The following PTPRS variants were observed in gnomAD, a reference collection of about 807,000 sequenced individuals.
The protein encoded by PTPRS is receptor-type tyrosine-protein phosphatase S.
In PTPRS, 63 loss-of-function variants were observed where a neutral mutation model predicts 215.3. The observed-to-expected ratio is 0.29, with a 90% CI of 0.24 to 0.36. The LOEUF is 0.36. Ranked by LOEUF, PTPRS falls within the 10% of genes least tolerant of loss-of-function variation. PTPRS has a pLI of 1.00. For synonymous variants in PTPRS, 1,404 were observed against 1,191.4 expected (o/e 1.18, Z -3.68); for missense variants, 2,258 against 2,825.8 (o/e 0.80, Z 4.56).
chr19:5,219,806 A>T, intron 22 of PTPRS, 133 bp downstream of exon 22: 1 of 1,072,062 alleles, frequency 9.3e-7, no homozygotes, highest in East Asian at 2.4e-5. Flanking sequence ...TCCGCTCCCA[A>T]GTCTTCCCCT....
intron 1 of PTPRS, among the ~76,000 whole-genome samples, chr19:5,319,992 C>T (rs2049981665): frequency 6.6e-6 from 1 of 152,178 alleles, no homozygotes; most frequent in African/African-American, 2.4e-5. Context: ...CCCTTTATTG[C>T]TTCAGGGTCC....
At position 5,225,721 on chromosome 19, in the gene PTPRS, G is replaced by C. The variant is rs1208396886; in HGVS notation, c.2494+6C>G. ...TTGGTGGGTGGGAGGAGGGCGGGTT[G>C]CATACCTGCTCCCTTGGTCACAACC... On this transcript the variant is annotated splice_donor_region_variant and intron_variant, in intron 17 of 37. Coordinates refer to ENST00000262963, the MANE Select transcript of PTPRS (RefSeq NM_002850.4). 6.2e-7 allele frequency: 1 copy of C among 1,611,982 alleles called. No homozygotes were observed. Among genetic ancestry groups the C allele is most frequent in the East Asian group, 2.2e-5 (1 of 44,862 alleles).
Position 5,237,016 on chromosome 19 carries a change from C to A in PTPRS, c.1849+1903G>T, listed in dbSNP as rs989301030. ...AGAAAGAAAGACTCCTTCCAGAAAA[C>A]GCCCAGTCTGGTTACCTACCTTCCA... On this transcript the variant is annotated intron_variant, in intron 13 of 37. Transcript: ENST00000262963. This position sits in a 1 kb window ranked among gnomAD's most constrained non-coding sequence, Gnocchi z 4.2. Among the ~76,000 whole-genome samples the A allele has an allele frequency of 3.9e-5, 6 of 152,168 alleles. No homozygotes were observed. Among genetic ancestry groups the A allele is most frequent in the African/African-American group, 1.4e-4 (6 of 41,432 alleles).
At chr19:5,240,803 C>T (rs1029564796) in intron 11 of PTPRS, among the ~76,000 whole-genome samples, 1 of 150,672 alleles carries the variant, frequency 6.6e-6, no homozygotes, top group Admixed American at 6.6e-5. Context: ...CGCGCCACTG[C>T]ACTCCAGCCT....
chr19:5,268,406 TTGCTTAC>T (rs1042959121), intron 4 of PTPRS, among the ~76,000 whole-genome samples: 2 of 152,002 alleles, frequency 1.3e-5, no homozygotes, highest in Non-Finnish European at 2.9e-5. Flanking sequence ...ACACATGTAT[TTGCTTAC>T]AAAGGCCCAG....
chr19:5,222,005 ATC>A, intron 19 of PTPRS, 116 bp downstream of exon 19: 1 of 794,414 alleles, frequency 1.3e-6, no homozygotes, highest in Non-Finnish European at 2.2e-6. Context: ...GCTGAGACCC[ATC>A]TCTGACTGAG....
intron 4 of PTPRS, among the ~76,000 whole-genome samples, chr19:5,268,742 G>C (rs1268748478): frequency 6.6e-6 from 1 of 152,214 alleles, no homozygotes; most frequent in African/African-American, 2.4e-5. Flanking sequence ...TTTCCATAGA[G>C]GGGGAAACGG....
At chr19:5,233,652 TA>T (rs2043193021) in intron 13 of PTPRS, among the ~76,000 whole-genome samples, 1 of 147,480 alleles carries the variant, frequency 6.8e-6, no homozygotes, top group Non-Finnish European at 1.5e-5. Context: ...AATAATAGCA[TA>T]AGAATCTCGG....
At chr19:5,265,927 CTTTT>C (rs762493921) in intron 4 of PTPRS, among the ~76,000 whole-genome samples, 3 of 152,036 alleles carry the variant, frequency 2.0e-5, no homozygotes, top group Non-Finnish European at 2.9e-5. Flanking sequence ...GGACGCCTTT[CTTTT>C]TATCTTTTAA....
At chr19:5,266,183 C>T (rs1455969984) in intron 4 of PTPRS, among the ~76,000 whole-genome samples, 6 of 152,032 alleles carry the variant, frequency 3.9e-5, no homozygotes, top group Non-Finnish European at 5.9e-5. Flanking sequence ...CACTTGAACC[C>T]GGGAGACGGA....
intron 25 of PTPRS, 148 bp downstream of exon 25, chr19:5,218,272 G>A (rs758192519): frequency 1.6e-4 from 111 of 704,020 alleles, no homozygotes; most frequent in Middle Eastern, 3.6e-4. Flanking sequence ...ATCCATGTAG[G>A]GTTGGAGGTA....
At chr19:5,246,498 G>A (rs1176714220) in intron 9 of PTPRS, among the ~76,000 whole-genome samples, 2 of 152,258 alleles carry the variant, frequency 1.3e-5, no homozygotes, top group African/African-American at 4.8e-5. Context: ...TCAGGGAGCA[G>A]GTGGCCTCCG....
chr19:5,215,685 C>G, intron 26 of PTPRS, 90 bp from the exon 27 acceptor site: 1 of 912,662 alleles, frequency 1.1e-6, no homozygotes, highest in South Asian at 1.7e-5. Context: ...TGTGAGTCTG[C>G]GATGGGTGAG....
chr19:5,212,444 C>T lies in PTPRS; in HGVS notation c.4662G>A (p.Ala1554=), dbSNP rs747637749. Residue 1554 remains alanine, a synonymous_variant, in exon 31 of 38, where the codon GCG becomes GCA. Transcript: ENST00000262963. ...KREVRQFQFT[A]WPDHGVPEYP... Reference sequence around the variant, plus strand: ...ATTCGGGCACGCCATGGTCCGGCCACGCCGTAAACTGGAACTGGCGGACCT... The same window carrying T: ...ATTCGGGCACGCCATGGTCCGGCCATGCCGTAAACTGGAACTGGCGGACCT... 77 of 1,600,208 alleles carry T rather than the reference C, an allele frequency of 4.8e-5. No individual in the cohort carries two copies. Among genetic ancestry groups the T allele is most frequent in the Admixed American group, 2.4e-4 (14 of 57,988 alleles).
intron 11 of PTPRS, among the ~76,000 whole-genome samples, chr19:5,241,592 C>A (rs1450311358): frequency 6.6e-6 from 1 of 151,358 alleles, no homozygotes; most frequent in African/African-American, 2.4e-5. Context: ...CAAAGGGTGC[C>A]TATTTTAACA....
At chr19:5,336,005 G>A (rs1318628766) in intron 1 of PTPRS, among the ~76,000 whole-genome samples, 1 of 149,404 alleles carries the variant, frequency 6.7e-6, no homozygotes, top group Admixed American at 6.6e-5. Flanking sequence ...CTCCATGGAG[G>A]AGGAGGAGGA....
At chr19:5,288,095 A>G (rs1202878018) in intron 1 of PTPRS, among the ~76,000 whole-genome samples, 3 of 152,028 alleles carry the variant, frequency 2.0e-5, no homozygotes, top group Non-Finnish European at 4.4e-5. Context: ...CAAGCCAGAA[A>G]AGATACACAT....
chr19:5,293,781 G>GC lies in PTPRS; in HGVS notation c.-94-7548dup, dbSNP rs1030573211. On this transcript the variant is annotated intron_variant, in intron 1 of 37. Transcript: ENST00000262963. This position sits in a 1 kb window ranked among gnomAD's most constrained non-coding sequence, Gnocchi z 8.4. The stretch of plus-strand genomic sequence containing the variant: ...GTGCGGGCGCAGAGGCTTCCCTCCC[G>GC]CTGGGGGTCCAGGGGAATGAATGGG... Among the ~76,000 whole-genome samples the GC allele has an allele frequency of 1.1e-4, 17 of 152,262 alleles. No homozygotes were observed. The highest frequency in any genetic ancestry group is 2.1e-4 in the Non-Finnish European group (14 of 68,004).
intron 5 of PTPRS, among the ~76,000 whole-genome samples, chr19:5,264,681 A>T (rs1449968082): frequency 6.6e-6 from 1 of 152,030 alleles, no homozygotes; most frequent in Non-Finnish European, 1.5e-5. Flanking sequence ...TGAGCATGGG[A>T]GACACTCTCC....
Sources: gnomAD v4.1 joint callset for allele counts (sites outside exome capture counted in the v4.1 genomes callset) on GRCh38, gnomAD v4.1.1 for gene constraint, Gnocchi (gnomAD v3.1) non-coding constraint, MANE v1.5 for transcripts, NCBI Gene and HGNC (gene_info 2026-07-23, HGNC 2026-07-21) for gene names.